Variants in SHANK2 observed in about 807,000 individuals in gnomAD.
SHANK2 encodes SH3 and multiple ankyrin repeat domains 2, also known as SH3 and multiple ankyrin repeat domains protein 2.
A neutral mutation model predicts 133.7 loss-of-function variants in SHANK2; 43 were observed. That is an observed-to-expected ratio of 0.32 (90% confidence interval 0.25 to 0.41). The LOEUF (loss-of-function observed/expected upper bound fraction) is 0.41, where lower values mean the gene tolerates loss of function less well. Among genes scored for constraint, SHANK2 ranks in the 10% least tolerant of loss-of-function variants. The pLI, the probability that SHANK2 is intolerant of heterozygous loss-of-function variation, is 1.00. For missense variants in SHANK2, 1,994 were observed against 2,235.8 expected, an observed-to-expected ratio of 0.89 and a Z score of 2.18; for synonymous variants, 1,017 against 952.8, an observed-to-expected ratio of 1.07 and a Z score of -1.24.
chr11:71,058,977 G>T (rs1426094136), intron 9 of SHANK2, among the ~76,000 whole-genome samples: 2 of 152,238 alleles, frequency 1.3e-5, no homozygotes, highest in African/African-American at 4.8e-5. Context: ...CACTTTGGGA[G>T]GCTGAGATGG....
chr11:70,584,543 A>G (rs1554986240), intron 17 of SHANK2, among the ~76,000 whole-genome samples: 1 of 152,044 alleles, frequency 6.6e-6, no homozygotes, highest in Non-Finnish European at 1.5e-5. Context: ...TGGGTACCGG[A>G]CAGCCAGGGA....
chr11:70,632,182 C>T (rs1322126890), intron 17 of SHANK2, among the ~76,000 whole-genome samples: 3 of 152,158 alleles, frequency 2.0e-5, no homozygotes, highest in Admixed American at 1.3e-4. Flanking sequence ...AGTGCAGTGG[C>T]GCGATCTCGG....
At chr11:70,502,358 G>T in intron 18 of SHANK2, 72 bp from the exon 19 acceptor site, 1 of 1,422,386 alleles carries the variant, frequency 7.0e-7, no homozygotes, top group Non-Finnish European at 9.6e-7. Context: ...GGCTAGCAGT[G>T]GCCCTGTGGC....
chr11:70,660,283 A>G (rs1031220344), intron 16 of SHANK2, among the ~76,000 whole-genome samples: 27 of 152,208 alleles, frequency 1.8e-4, no homozygotes, highest in African/African-American at 6.5e-4. Context: ...TCGGTTCTAA[A>G]AATGGAAAAG....
At chr11:70,536,662 G>A (rs782778733) in intron 17 of SHANK2, among the ~76,000 whole-genome samples, 11 of 152,234 alleles carry the variant, frequency 7.2e-5, no homozygotes, top group Non-Finnish European at 1.5e-4. Flanking sequence ...GACACCTCAG[G>A]CTTGGCTCTC....
intron 21 of SHANK2, among the ~76,000 whole-genome samples, chr11:70,495,270 TC>T (rs1382889088): frequency 6.6e-6 from 1 of 152,192 alleles, no homozygotes; most frequent in African/African-American, 2.4e-5. Flanking sequence ...ATTTGCTTCC[TC>T]CAAGGAGCCT....
At chr11:70,926,523 T>C (rs1462203023) in intron 10 of SHANK2, among the ~76,000 whole-genome samples, 1 of 152,180 alleles carries the variant, frequency 6.6e-6, no homozygotes, top group Non-Finnish European at 1.5e-5. Flanking sequence ...GTTTTCTTCA[T>C]GAGCACACCA....
At chr11:71,120,464 G>C (rs1442190486) in intron 3 of SHANK2, among the ~76,000 whole-genome samples, 1 of 152,138 alleles carries the variant, frequency 6.6e-6, no homozygotes, top group Non-Finnish European at 1.5e-5. Context: ...GACAGCCCGA[G>C]GGTAAGTTCC....
chr11:70,664,054 GC>G, intron 15 of SHANK2, among the ~76,000 whole-genome samples: 1 of 152,314 alleles, frequency 6.6e-6, no homozygotes. Context: ...CCTCCAGCAG[GC>G]CTGGTAGGTG....
chr11:71,082,949 C>A (rs937643041), intron 8 of SHANK2, among the ~76,000 whole-genome samples: 1 of 148,590 alleles, frequency 6.7e-6, no homozygotes, highest in Non-Finnish European at 1.5e-5. Context: ...GCCCGCCCCC[C>A]CCCCAACCCT....
intron 18 of SHANK2, 137 bp from the exon 19 acceptor site, chr11:70,502,423 G>C (rs961365103): frequency 1.3e-6 from 1 of 786,264 alleles, no homozygotes; most frequent in Non-Finnish European, 2.1e-6. Context: ...GTGCAGGTGT[G>C]CTTATGATGG....
At chr11:70,648,564 T>C (rs2061299563) in intron 17 of SHANK2, among the ~76,000 whole-genome samples, 1 of 151,904 alleles carries the variant, frequency 6.6e-6, no homozygotes, top group African/African-American at 2.4e-5. Context: ...GATATGGGGG[T>C]AAAGTTTACT....
chr11:70,820,244 C>G, intron 12 of SHANK2, 120 bp downstream of exon 12: 1 of 570,076 alleles, frequency 1.8e-6, no homozygotes, highest in Non-Finnish European at 3.1e-6. Flanking sequence ...AAAGTTTCCT[C>G]AACATCTGGG....
rs1400998804 is a variant in SHANK2 at position 71,168,239 on chromosome 11, G to A, written c.-12-20901C>T. On this transcript the variant is annotated intron_variant, in intron 2 of 25. Coordinates refer to ENST00000601538, the MANE Select transcript of SHANK2 (RefSeq NM_012309.5). ...ATCTCAGACGATGGGCGGCTGGGCAGAGACGCTCCTCACTTCCCAGATGGG... is the reference window on the plus strand; with the variant it reads ...ATCTCAGACGATGGGCGGCTGGGCAAAGACGCTCCTCACTTCCCAGATGGG... 5.1e-5 allele frequency among the ~76,000 whole-genome samples: 7 copies of A among 136,296 alleles called. 2 individuals carry two copies. The highest frequency in any genetic ancestry group is 9.5e-5 in the Non-Finnish European group (6 of 62,916). 89.4% of individuals were successfully genotyped at this position (136,296 alleles called of 152,430 possible).
At chr11:71,249,625 C>T (rs1948142966) in intron 1 of SHANK2, among the ~76,000 whole-genome samples, 1 of 152,304 alleles carries the variant, frequency 6.6e-6, no homozygotes, top group East Asian at 1.9e-4. Flanking sequence ...GAGGCACAAC[C>T]TCAGGCCCTG....
intron 17 of SHANK2, among the ~76,000 whole-genome samples, chr11:70,573,560 T>C (rs868967794): frequency 8.0e-4 from 76 of 95,064 alleles, no homozygotes; most frequent in African/African-American, 3.2e-3. Flanking sequence ...GGGGGGGGGG[T>C]GGGGCATGGC....
At chr11:71,143,683 G>A (rs1952595320) in intron 3 of SHANK2, among the ~76,000 whole-genome samples, 1 of 152,190 alleles carries the variant, frequency 6.6e-6, no homozygotes, top group Admixed American at 6.5e-5. Flanking sequence ...AAGCTCCACT[G>A]AGGCCTGCCT....
chr11:71,205,755 G>A (rs183595876), intron 2 of SHANK2, among the ~76,000 whole-genome samples: 10 of 152,292 alleles, frequency 6.6e-5, no homozygotes, highest in Admixed American at 5.2e-4. Flanking sequence ...TGGGTCAGGC[G>A]TGTTATTTAT....
intron 17 of SHANK2, among the ~76,000 whole-genome samples, chr11:70,554,011 C>G (rs1399576783): frequency 6.6e-6 from 1 of 152,218 alleles, no homozygotes; most frequent in Non-Finnish European, 1.5e-5. Context: ...TCGAAATGGC[C>G]TGGGGTCGCT....
Sources: gnomAD v4.1 joint callset for allele counts (sites outside exome capture counted in the v4.1 genomes callset) on GRCh38, gnomAD v4.1.1 for gene constraint, MANE v1.5 for transcripts, NCBI Gene and HGNC (gene_info 2026-07-23, HGNC 2026-07-21) for gene names.